KCNG2: variants seen among roughly 807,000 people sequenced by gnomAD.
KCNG2 encodes potassium voltage-gated channel modifier subfamily G member 2.
Under a neutral mutation model 12.3 loss-of-function variants are expected in KCNG2, and 7 were observed. The observed-to-expected ratio is 0.57, with a 90% CI of 0.32 to 1.07. KCNG2 has a LOEUF of 1.07. Among genes scored for constraint, KCNG2 ranks in the 50% least tolerant of loss-of-function variants. KCNG2 has a pLI of 0.04. For missense variants in KCNG2, 703 were observed against 726.0 expected (o/e 0.97, Z 0.36); for synonymous variants, 414 against 351.4 (o/e 1.18, Z -1.99).
Position 79,899,273 on chromosome 18 carries a change from G to T in KCNG2, c.858G>T (p.Val286=). ...GTKLLERAGL[V]LRLLRALRVL... ...AGCTCCTGGAGCGCGCGGGGCTGGT[G>T]CTGCGGCTGCTGCGTGCGCTGCGCG... The change falls in exon 4 of 4, where the codon GTG becomes GTT. Residue 286 remains valine (V), a synonymous_variant. Coordinates refer to ENST00000316249, the MANE Select transcript of KCNG2 (RefSeq NM_012283.2). 6.3e-7 allele frequency: 1 copy of T among 1,577,078 alleles called. No individual in the cohort carries two copies. The highest frequency in any genetic ancestry group is 8.5e-7 in the Non-Finnish European group (1 of 1,169,748).
At chr18:79,882,568 A>G (rs1449375735) in intron 3 of KCNG2, among the ~76,000 whole-genome samples, 1 of 152,268 alleles carries the variant, frequency 6.6e-6, no homozygotes, top group East Asian at 1.9e-4. Flanking sequence ...CCTATGGCAA[A>G]TACAGCGCTG....
chr18:79,899,573 GCTCAGCAGCATC>G lies in KCNG2; in HGVS notation c.1165_1176del (p.Ser389_Ser392del), dbSNP rs750816350. 4 of 1,600,070 alleles carry G rather than the reference GCTCAGCAGCATC, an allele frequency of 2.5e-6. No individual in the cohort carries two copies. In the Admixed American group the frequency reaches 5.1e-5, roughly 20 times the overall value. The stretch of plus-strand genomic sequence containing the variant: ...GCAGCCTGCCCGGGCAGGTGGTGGC[GCTCAGCAGCATC>G]CTCAGCGGCATCCTGCTCATGGCCT... On this transcript the variant is annotated inframe_deletion, in exon 4 of 4. Coordinates refer to ENST00000316249, the MANE Select transcript of KCNG2 (RefSeq NM_012283.2).
chr18:79,817,999 AG>A (rs978612971), intron 1 of KCNG2, among the ~76,000 whole-genome samples: 4 of 152,230 alleles, frequency 2.6e-5, no homozygotes, highest in Non-Finnish European at 5.9e-5. Context: ...CCAAGGGCTC[AG>A]GGTGGGTGCT....
chr18:79,853,403 A>C (rs1365380335), intron 1 of KCNG2, among the ~76,000 whole-genome samples: 2 of 152,122 alleles, frequency 1.3e-5, no homozygotes, highest in Non-Finnish European at 2.9e-5. Context: ...GTCACTGAGC[A>C]GCTGTTCAGG....
intron 3 of KCNG2, among the ~76,000 whole-genome samples, chr18:79,881,332 A>G (rs1980287646): frequency 6.6e-6 from 1 of 152,208 alleles, no homozygotes; most frequent in Non-Finnish European, 1.5e-5. Context: ...GTACGATTGG[A>G]AAGCAAGAGA....
At chr18:79,817,154 C>G (rs1481504380) in intron 1 of KCNG2, among the ~76,000 whole-genome samples, 1 of 151,950 alleles carries the variant, frequency 6.6e-6, no homozygotes, top group Non-Finnish European at 1.5e-5. Context: ...GGATGTTACA[C>G]GGCTGTCATA....
At chr18:79,871,012 T>G (rs770318684) in intron 3 of KCNG2, among the ~76,000 whole-genome samples, 1 of 152,014 alleles carries the variant, frequency 6.6e-6, no homozygotes, top group Non-Finnish European at 1.5e-5. Flanking sequence ...CAGCAGAGCC[T>G]GGGTCTGAGT....
chr18:79,837,911 C>A (rs1202785552), intron 1 of KCNG2, among the ~76,000 whole-genome samples: 2 of 152,324 alleles, frequency 1.3e-5, no homozygotes, highest in East Asian at 1.9e-4. Flanking sequence ...CTATACAGAA[C>A]TACCTGAGAC....
chr18:79,801,101 G>A lies in KCNG2; in HGVS notation c.-115+3087G>A, dbSNP rs775936977. Among the ~76,000 whole-genome samples the A allele has an allele frequency of 1.6e-3, 243 of 152,220 alleles. 9 individuals carry two copies. Among genetic ancestry groups the A allele is most frequent in the Non-Finnish European group, 4.8e-4 (33 of 68,048 alleles). On this transcript the variant is annotated intron_variant, in intron 1 of 3. Transcript: ENST00000316249. The stretch of plus-strand genomic sequence containing the variant: ...GGCAGGGCTTTAACTGCTGGTCTCT[G>A]ATCCCCGCCACGTCAGATGAGAGGG...
At chr18:79,802,245 A>G (rs1002238162) in intron 1 of KCNG2, among the ~76,000 whole-genome samples, 9 of 152,160 alleles carry the variant, frequency 5.9e-5, no homozygotes, top group Admixed American at 2.0e-4. Context: ...CCTTTTCTCT[A>G]CGGTTTAGAA....
chr18:79,834,537 C>G (rs1291675710), intron 1 of KCNG2, among the ~76,000 whole-genome samples: 4 of 152,148 alleles, frequency 2.6e-5, no homozygotes, highest in Admixed American at 6.5e-5. Context: ...GAAAGTGGGA[C>G]CGGGGTCCAC....
intron 3 of KCNG2, among the ~76,000 whole-genome samples, chr18:79,883,703 T>G (rs1269648857): frequency 3.3e-5 from 5 of 152,192 alleles, no homozygotes; most frequent in African/African-American, 1.2e-4. Flanking sequence ...GACATGTCTG[T>G]CTGGTAAAGG....
At chr18:79,809,903 G>T (rs2087481595) in intron 1 of KCNG2, among the ~76,000 whole-genome samples, 1 of 152,166 alleles carries the variant, frequency 6.6e-6, no homozygotes, top group African/African-American at 2.4e-5. Flanking sequence ...TCCCACTATC[G>T]TGACGCTCCA....
chr18:79,892,951 A>C (rs1302460364), intron 3 of KCNG2, among the ~76,000 whole-genome samples: 5 of 150,592 alleles, frequency 3.3e-5, no homozygotes, highest in African/African-American at 1.2e-4. Context: ...CTCCATTCAC[A>C]TCTAATGTTA....
At chr18:79,817,044 GATGTTAC>G (rs2087534474) in intron 1 of KCNG2, among the ~76,000 whole-genome samples, 1 of 150,368 alleles carries the variant, frequency 6.7e-6, no homozygotes, top group Non-Finnish European at 1.5e-5. Flanking sequence ...CTGCCACATG[GATGTTAC>G]ACGGCTGTCA....
Position 79,881,565 on chromosome 18 carries a change from G to A in KCNG2, c.624+17274G>A, listed in dbSNP as rs1429838820. The stretch of plus-strand genomic sequence containing the variant: ...CAGCCTAGGTCCAGGATCCATCTAC[G>A]TGCTGATAATTACAGCTAAATACAG... On this transcript the variant is annotated intron_variant, in intron 3 of 3. Coordinates refer to ENST00000316249, the MANE Select transcript of KCNG2 (RefSeq NM_012283.2). Among the ~76,000 whole-genome samples the A allele has an allele frequency of 2.6e-5, 4 of 152,220 alleles. 1 individual carries two copies. In the East Asian group the frequency reaches 5.8e-4, roughly 22 times the overall value.
At chr18:79,881,963 G>A (rs569985166) in intron 3 of KCNG2, among the ~76,000 whole-genome samples, 5 of 152,272 alleles carry the variant, frequency 3.3e-5, no homozygotes, top group East Asian at 3.9e-4. Context: ...AGAAAGAATC[G>A]TCTTTTCAAC....
intron 1 of KCNG2, among the ~76,000 whole-genome samples, chr18:79,845,081 T>C (rs1011553112): frequency 2.0e-5 from 3 of 152,216 alleles, no homozygotes; most frequent in Non-Finnish European, 4.4e-5. Context: ...AATACTACTC[T>C]GCAGTAAAAA....
At chr18:79,809,572 A>C (rs530395684) in intron 1 of KCNG2, among the ~76,000 whole-genome samples, 26 of 117,822 alleles carry the variant, frequency 2.2e-4, no homozygotes, top group African/African-American at 7.9e-4. Flanking sequence ...CGCTCTGAGG[A>C]GCTGCCGGGG....
Sources: gnomAD v4.1 joint callset for allele counts (sites outside exome capture counted in the v4.1 genomes callset) on GRCh38, gnomAD v4.1.1 for gene constraint, MANE v1.5 for transcripts, NCBI Gene and HGNC (gene_info 2026-07-23, HGNC 2026-07-21) for gene names.